EYS: variants seen among roughly 807,000 people sequenced by gnomAD.
EYS encodes EGF-like photoreceptor maintenance factor, also known as protein eyes shut homolog.
EYS carries 250 observed loss-of-function variants against 282.1 expected under a neutral mutation model. That is an observed-to-expected ratio of 0.89 (90% CI 0.80 to 0.98). EYS has a LOEUF of 0.98. Among genes scored for constraint, EYS ranks in the 50% least tolerant of loss-of-function variants. EYS has a pLI of 0.00. For missense variants in EYS, 4,016 were observed against 3,709.0 expected, an observed-to-expected ratio of 1.08 and a Z score of -2.15; for synonymous variants, 1,355 against 1,282.9, an observed-to-expected ratio of 1.06 and a Z score of -1.20.
intron 28 of EYS, among the ~76,000 whole-genome samples, chr6:64,391,622 G>A (rs909072405): frequency 1.5e-3 from 235 of 152,176 alleles, no homozygotes; most frequent in African/African-American, 5.3e-3. Flanking sequence ...GCTCCTGAAG[G>A]AAGCGCTAAA....
rs556152806 is a variant in EYS at position 64,249,063 on chromosome 6, C to CCAAAAAAA, written c.6192-18240_6192-18239insTTTTTTTG. Among the ~76,000 whole-genome samples, 2 of 70,060 alleles carry CCAAAAAAA rather than the reference C, an allele frequency of 2.9e-5. 1 individual carries two copies. The highest frequency in any genetic ancestry group is 1.4e-4 in the African/African-American group (2 of 14,210). The allele number at this position is 70,060 out of a possible 152,430, so 46.0% of individuals were successfully genotyped here. On this transcript the variant is annotated intron_variant, in intron 30 of 42. Transcript: ENST00000503581. ...TGGGCTACAGAGTGACACCCTGTCT[C>CCAAAAAAA]AAAAAAAAAAAAAAAAAAAAAAGAT... is the stretch of plus-strand genomic sequence containing the variant.
At chr6:65,426,464 A>C (rs1582275901) in intron 5 of EYS, among the ~76,000 whole-genome samples, 1 of 152,102 alleles carries the variant, frequency 6.6e-6, no homozygotes, top group African/African-American at 2.4e-5. Context: ...TGAATGAATG[A>C]GATTGTCCCA....
chr6:64,089,802 T>C (rs1241776865), intron 31 of EYS, among the ~76,000 whole-genome samples: 1 of 152,072 alleles, frequency 6.6e-6, no homozygotes, highest in Non-Finnish European at 1.5e-5. Flanking sequence ...CTTCTAAAAA[T>C]CAGCAGAACT....
rs756070544 is a variant in EYS at position 65,405,353 on chromosome 6, C to A, written c.877G>T (p.Val293Leu). The change falls in exon 6 of 43, where the codon GTG becomes TTG. Residue 293 changes from valine to leucine, a missense_variant. Coordinates refer to ENST00000503581, the MANE Select transcript of EYS (RefSeq NM_001142800.2). ...DEQFSGPFCE[V>L]SAKPCVSLLF... is the part of the protein sequence containing the mutation. Reference sequence around the variant, plus strand: ...AGAGAAACACAAGGTTTTGCTGACACCTCACAGAATGGACCTTAAAAAAAT... The same window carrying A: ...AGAGAAACACAAGGTTTTGCTGACAACTCACAGAATGGACCTTAAAAAAAT... 5 of 1,608,860 alleles carry A rather than the reference C, an allele frequency of 3.1e-6. No homozygotes were observed. Among genetic ancestry groups the A allele is most frequent in the African/African-American group, 1.4e-5 (1 of 73,884 alleles).
chr6:65,574,649 A>G lies in EYS; in HGVS notation c.-333+65129T>C, dbSNP rs1338280462. ...GTAATATATCTGAAGAGAGAAATAG[A>G]CTGTAATACAACAATAGTAGGAGTC... On this transcript the variant is annotated intron_variant, in intron 2 of 42. Coordinates refer to ENST00000503581, the MANE Select transcript of EYS (RefSeq NM_001142800.2). 2.6e-5 allele frequency among the ~76,000 whole-genome samples: 4 copies of G among 152,170 alleles called. No homozygotes were observed. In the East Asian group the frequency reaches 7.7e-4, roughly 29 times the overall value.
chr6:64,720,826 G>C (rs1022913780), intron 22 of EYS, among the ~76,000 whole-genome samples: 1 of 151,990 alleles, frequency 6.6e-6, no homozygotes, highest in Non-Finnish European at 1.5e-5. Context: ...TATCTATTTA[G>C]ACATTTATTT....
chr6:64,671,841 C>T (rs1769472623), intron 22 of EYS, among the ~76,000 whole-genome samples: 1 of 151,926 alleles, frequency 6.6e-6, no homozygotes, highest in Non-Finnish European at 1.5e-5. Flanking sequence ...CCCTGATATG[C>T]ACATGATTTT....
At chr6:63,842,281 G>A (rs1435815266) in intron 36 of EYS, among the ~76,000 whole-genome samples, 5 of 152,088 alleles carry the variant, frequency 3.3e-5, no homozygotes, top group Non-Finnish European at 5.9e-5. Context: ...GTTGTTTCCT[G>A]ACTTTTTAAT....
At chr6:65,252,695 C>G (rs571436344) in intron 12 of EYS, among the ~76,000 whole-genome samples, 6 of 151,648 alleles carry the variant, frequency 4.0e-5, no homozygotes, top group Non-Finnish European at 8.8e-5. Flanking sequence ...TTTTAAATGC[C>G]CTTGTAAATA....
chr6:64,662,014 A>G (rs1736487271), intron 22 of EYS, among the ~76,000 whole-genome samples: 1 of 152,112 alleles, frequency 6.6e-6, no homozygotes, highest in Non-Finnish European at 1.5e-5. Context: ...CTCAATTAAG[A>G]AAACATGGCA....
At chr6:65,306,427 C>T (rs1769005516) in intron 11 of EYS, among the ~76,000 whole-genome samples, 3 of 152,046 alleles carry the variant, frequency 2.0e-5, no homozygotes, top group Non-Finnish European at 2.9e-5. Context: ...GTATGATAGC[C>T]CTTCTCCAAA....
intron 41 of EYS, among the ~76,000 whole-genome samples, chr6:63,760,058 A>G (rs1769591862): frequency 6.6e-6 from 1 of 152,106 alleles, no homozygotes; most frequent in East Asian, 1.9e-4. Context: ...GAAATGAGTG[A>G]AAAGAAAATT....
chr6:63,998,631 A>G (rs1403366993), intron 34 of EYS, among the ~76,000 whole-genome samples: 1 of 152,186 alleles, frequency 6.6e-6, no homozygotes, highest in East Asian at 1.9e-4. Context: ...CTTTTAATTT[A>G]GACTCATTCA....
intron 24 of EYS, among the ~76,000 whole-genome samples, chr6:64,610,150 A>G (rs1354602994): frequency 6.6e-6 from 1 of 152,064 alleles, no homozygotes; most frequent in Non-Finnish European, 1.5e-5. Flanking sequence ...GCTGTAAGTG[A>G]AGAAACAGGC....
At chr6:64,603,861 C>CTGTGTG (rs34430318) in intron 24 of EYS, among the ~76,000 whole-genome samples, 3,660 of 148,110 alleles carry the variant, frequency 0.025, 47 homozygotes, top group Admixed American at 0.043. Context: ...AAATGAATAC[C>CTGTGTG]TGTGTGTGTG....
chr6:63,927,008 T>G (rs554785432), intron 35 of EYS, among the ~76,000 whole-genome samples: 25 of 152,212 alleles, frequency 1.6e-4, no homozygotes, highest in African/African-American at 5.5e-4. Flanking sequence ...GGGAGAAAGA[T>G]TGGGTGGGTG....
intron 2 of EYS, among the ~76,000 whole-genome samples, chr6:65,596,803 A>T (rs1292082856): frequency 6.6e-6 from 1 of 152,100 alleles, no homozygotes; most frequent in Admixed American, 6.6e-5. Flanking sequence ...TTGGATAACA[A>T]AGCATTTAAA....
At chr6:65,596,463 G>A (rs1028513016) in intron 2 of EYS, among the ~76,000 whole-genome samples, 2 of 151,858 alleles carry the variant, frequency 1.3e-5, no homozygotes, top group Non-Finnish European at 2.9e-5. Context: ...ACTGAATATT[G>A]GGAAAGATGT....
chr6:64,008,402 T>C (rs747963946), intron 33 of EYS, among the ~76,000 whole-genome samples: 26 of 152,086 alleles, frequency 1.7e-4, no homozygotes, highest in Admixed American at 3.3e-4. Flanking sequence ...AATATTTGAA[T>C]CTTGTTTCTT....
Sources: allele counts gnomAD v4.1 joint callset (sites outside exome capture counted in the v4.1 genomes callset), GRCh38; gene constraint gnomAD v4.1.1; transcripts MANE v1.5; gene names NCBI Gene and HGNC (gene_info 2026-07-23, HGNC 2026-07-21).